CSMD1: variants seen among roughly 807,000 people sequenced by gnomAD.
CSMD1 encodes the protein CUB and Sushi multiple domains 1.
Under a neutral mutation model 417.5 loss-of-function variants are expected in CSMD1, and 213 were observed. The observed-to-expected ratio is 0.51, with a 90% CI of 0.46 to 0.57. The LOEUF (loss-of-function observed/expected upper bound fraction) is 0.57, where lower values mean the gene tolerates loss of function less well. Among genes scored for constraint, CSMD1 ranks in the 20% least tolerant of loss-of-function variants. The pLI is 0.00. For synonymous variants in CSMD1, 2,862 were observed against 1,736.8 expected, an observed-to-expected ratio of 1.65 and a Z score of -16.11; for missense variants, 6,923 against 4,529.7, an observed-to-expected ratio of 1.53 and a Z score of -15.17.
chr8:4,767,941 A>G (rs952462437), intron 1 of CSMD1, among the ~76,000 whole-genome samples: 8 of 152,156 alleles, frequency 5.3e-5, no homozygotes, highest in Non-Finnish European at 1.0e-4. Context: ...TAAATTTTGC[A>G]TCCTTCGTAC....
At chr8:3,720,012 G>A (rs1426676253) in intron 6 of CSMD1, among the ~76,000 whole-genome samples, 1 of 152,138 alleles carries the variant, frequency 6.6e-6, no homozygotes, top group African/African-American at 2.4e-5. Flanking sequence ...GCAAATAGAA[G>A]CACCTAGTGC....
At chr8:4,808,710 C>A (rs891491070) in intron 1 of CSMD1, among the ~76,000 whole-genome samples, 2 of 152,170 alleles carry the variant, frequency 1.3e-5, no homozygotes, top group African/African-American at 4.8e-5. Flanking sequence ...GTCGCTTGAA[C>A]ACGCCCACTC....
intron 1 of CSMD1, among the ~76,000 whole-genome samples, chr8:4,765,615 T>G (rs952727623): frequency 1.3e-5 from 2 of 152,012 alleles, no homozygotes; most frequent in Non-Finnish European, 2.9e-5. Flanking sequence ...TGAGAAAAAA[T>G]TGGATGCAAG....
At chr8:3,420,724 A>G (rs1300085844) in intron 12 of CSMD1, among the ~76,000 whole-genome samples, 3 of 152,232 alleles carry the variant, frequency 2.0e-5, no homozygotes, top group Admixed American at 6.5e-5. Flanking sequence ...TCACGCTTGC[A>G]ATGATTCCTT....
chr8:3,162,008 A>G (rs541477189), intron 38 of CSMD1, 151 bp downstream of exon 38: 6 of 587,054 alleles, frequency 1.0e-5, no homozygotes, highest in Non-Finnish European at 1.5e-5. Flanking sequence ...AATGGTGACG[A>G]AGATGACCAA....
At chr8:4,216,409 G>A (rs150220122) in intron 3 of CSMD1, among the ~76,000 whole-genome samples, 3 of 152,148 alleles carry the variant, frequency 2.0e-5, no homozygotes, top group African/African-American at 7.2e-5. Context: ...TGTGTGCATG[G>A]TAAAATTAAT....
intron 2 of CSMD1, among the ~76,000 whole-genome samples, chr8:4,484,765 C>A (rs1039683934): frequency 4.0e-5 from 6 of 151,760 alleles, no homozygotes; most frequent in Non-Finnish European, 8.8e-5. Flanking sequence ...GTCAGGAGAT[C>A]GAGACCATCC....
At chr8:3,355,088 T>C (rs1161694194) in intron 21 of CSMD1, among the ~76,000 whole-genome samples, 3 of 152,030 alleles carry the variant, frequency 2.0e-5, no homozygotes, top group Non-Finnish European at 4.4e-5. Flanking sequence ...GATAAGGGTG[T>C]TGATATTTTT....
At chr8:4,214,391 G>T (rs1800506014) in intron 3 of CSMD1, among the ~76,000 whole-genome samples, 1 of 152,146 alleles carries the variant, frequency 6.6e-6, no homozygotes, top group South Asian at 2.1e-4. Flanking sequence ...TCTGCCTCCT[G>T]GATTCAATCG....
At chr8:4,963,374 A>G (rs1809646520) in intron 1 of CSMD1, among the ~76,000 whole-genome samples, 1 of 151,882 alleles carries the variant, frequency 6.6e-6, no homozygotes, top group African/African-American at 2.4e-5. Context: ...TAATTTTTGT[A>G]TTTTTAGTAG....
At chr8:4,026,435 G>C (rs2688355) in intron 4 of CSMD1, among the ~76,000 whole-genome samples, 1 of 152,070 alleles carries the variant, frequency 6.6e-6, no homozygotes, top group Non-Finnish European at 1.5e-5. Context: ...TTAGCTGACT[G>C]TTATGTCAAC....
chr8:3,904,615 C>T (rs1220801023), intron 5 of CSMD1, among the ~76,000 whole-genome samples: 4 of 148,748 alleles, frequency 2.7e-5, no homozygotes, highest in Non-Finnish European at 4.5e-5. Context: ...TCCTTTTTCT[C>T]TTTCTTTCTT....
intron 9 of CSMD1, among the ~76,000 whole-genome samples, chr8:3,583,092 T>G (rs1800450569): frequency 6.6e-6 from 1 of 152,284 alleles, no homozygotes; most frequent in Non-Finnish European, 1.5e-5. Context: ...GACCTCTTCC[T>G]GGGGAGCCTG....
chr8:3,270,627 G>A lies in CSMD1; in HGVS notation c.4153+13517C>T, dbSNP rs188377061. 3.3e-5 allele frequency among the ~76,000 whole-genome samples: 5 copies of A among 152,216 alleles called. No individual in the cohort carries two copies. In the East Asian group the frequency reaches 5.8e-4, roughly 18 times the overall value. ...AGCCCTTTTATTATATAGGTATAAT[G>A]TGTTCTTTACTCATCAAAGCAAGTC... On this transcript the variant is annotated intron_variant, in intron 26 of 69. Transcript: ENST00000635120.
chr8:3,310,385 T>C (rs1805234808), intron 23 of CSMD1, among the ~76,000 whole-genome samples: 1 of 152,336 alleles, frequency 6.6e-6, no homozygotes, highest in Non-Finnish European at 1.5e-5. Context: ...AACAAGTCTT[T>C]AGAAGGCAGT....
chr8:4,661,628 G>T (rs913129821), intron 1 of CSMD1, among the ~76,000 whole-genome samples: 1 of 152,068 alleles, frequency 6.6e-6, no homozygotes, highest in South Asian at 2.1e-4. Context: ...AGATGTTACC[G>T]TAAGGGGAAA....
At chr8:4,204,499 A>T (rs561009355) in intron 3 of CSMD1, among the ~76,000 whole-genome samples, 1 of 152,180 alleles carries the variant, frequency 6.6e-6, no homozygotes, top group Non-Finnish European at 1.5e-5. Context: ...AATAAACCAG[A>T]TTCAATTTCC....
At chr8:3,291,805 G>A (rs1422774486) in intron 25 of CSMD1, among the ~76,000 whole-genome samples, 1 of 152,006 alleles carries the variant, frequency 6.6e-6, no homozygotes, top group Non-Finnish European at 1.5e-5. Context: ...TTTTTTAAGG[G>A]TTTTTTGCGT....
intron 6 of CSMD1, among the ~76,000 whole-genome samples, chr8:3,737,000 G>A (rs1796555198): frequency 6.6e-6 from 1 of 152,150 alleles, no homozygotes; most frequent in African/African-American, 2.4e-5. Context: ...ATACACAGGT[G>A]ACATTCAGCA....
Sources: allele counts gnomAD v4.1 joint callset (sites outside exome capture counted in the v4.1 genomes callset), GRCh38; gene constraint gnomAD v4.1.1; transcripts MANE v1.5; gene names NCBI Gene and HGNC (gene_info 2026-07-23, HGNC 2026-07-21).